Variants in STPG2 observed in about 807,000 individuals in gnomAD.
STPG2 encodes sperm tail PG-rich repeat containing 2, also known as sperm-tail PG-rich repeat-containing protein 2.
STPG2 carries 56 observed loss-of-function variants against 54.2 expected under a neutral mutation model. The ratio of observed to expected loss-of-function variants is 1.03; its 90% CI spans 0.83 to 1.29. STPG2 has a LOEUF of 1.29. Among genes scored for constraint, STPG2 ranks in the 50% most tolerant of loss-of-function variants. The pLI is 0.00. For synonymous variants in STPG2, 200 were observed against 181.8 expected (o/e 1.10, Z -0.81); for missense variants, 596 against 544.9 (o/e 1.09, Z -0.93).
intron 9 of STPG2, among the ~76,000 whole-genome samples, chr4:97,756,646 G>A (rs1287346781): frequency 6.6e-6 from 1 of 151,976 alleles, no homozygotes; most frequent in Non-Finnish European, 1.5e-5. Context: ...TTCAACAAAT[G>A]ATTTTGCCTG....
At chr4:97,444,660 TAAG>T (rs1729173429) in intron 4 of STPG2, among the ~76,000 whole-genome samples, 1 of 152,096 alleles carries the variant, frequency 6.6e-6, no homozygotes, top group Non-Finnish European at 1.5e-5. Context: ...ACTAATAATC[TAAG>T]GAGAAGCACA....
intron 8 of STPG2, among the ~76,000 whole-genome samples, chr4:97,917,723 G>A (rs10032473): frequency 0.061 from 9,252 of 152,044 alleles, 368 homozygotes; most frequent in Admixed American, 0.12. Context: ...TAAACTCTGG[G>A]GACAAAAGCA....
intron 5 of STPG2, among the ~76,000 whole-genome samples, chr4:98,074,274 A>G (rs970615182): frequency 2.0e-5 from 3 of 152,148 alleles, no homozygotes; most frequent in Admixed American, 6.5e-5. Context: ...GTCTCCCATC[A>G]TTTCAGTTGA....
intron 8 of STPG2, among the ~76,000 whole-genome samples, chr4:97,936,305 C>A (rs1043054986): frequency 1.2e-4 from 18 of 152,126 alleles, no homozygotes; most frequent in Admixed American, 1.2e-3. Context: ...GAATACAGCA[C>A]ACTGATGATT....
At chr4:98,017,942 A>G (rs966478465) in intron 5 of STPG2, among the ~76,000 whole-genome samples, 1 of 152,090 alleles carries the variant, frequency 6.6e-6, no homozygotes, top group Non-Finnish European at 1.5e-5. Context: ...TTCTGCCATG[A>G]TTGTAAGTTT....
intron 1 of STPG2, among the ~76,000 whole-genome samples, chr4:98,136,122 C>T (rs1471877809): frequency 6.6e-6 from 1 of 151,324 alleles, no homozygotes; most frequent in African/African-American, 2.4e-5. Flanking sequence ...AAAAGATGAA[C>T]ATGATGAGAA....
intron 10 of STPG2, among the ~76,000 whole-genome samples, chr4:97,636,103 T>A (rs1721512805): frequency 6.6e-6 from 1 of 151,560 alleles, no homozygotes; most frequent in African/African-American, 2.4e-5. Context: ...AAAGCTCTCC[T>A]CAGCAAATGT....
At chr4:97,805,957 A>G (rs907890470) in intron 9 of STPG2, among the ~76,000 whole-genome samples, 1 of 152,196 alleles carries the variant, frequency 6.6e-6, no homozygotes, top group African/African-American at 2.4e-5. Flanking sequence ...TTTCTCAAAG[A>G]ACTAAAATTA....
chr4:98,118,213 C>T (rs1739576279), intron 3 of STPG2, among the ~76,000 whole-genome samples: 1 of 152,042 alleles, frequency 6.6e-6, no homozygotes. Context: ...CAACCTTTGC[C>T]AAGGCCCTCT....
At chr4:97,603,698 T>C (rs752168921) in intron 10 of STPG2, among the ~76,000 whole-genome samples, 1 of 151,626 alleles carries the variant, frequency 6.6e-6, no homozygotes, top group Non-Finnish European at 1.5e-5. Context: ...TGGATGAACC[T>C]TGAGGGTCTC....
intron 9 of STPG2, among the ~76,000 whole-genome samples, chr4:97,748,957 C>T (rs766780457): frequency 7.9e-5 from 12 of 151,478 alleles, no homozygotes; most frequent in Non-Finnish European, 1.8e-4. Context: ...TTCCCCACTA[C>T]CATGAAAATA....
intron 10 of STPG2, among the ~76,000 whole-genome samples, chr4:97,634,032 G>A (rs1721404542): frequency 6.6e-6 from 1 of 152,178 alleles, no homozygotes; most frequent in African/African-American, 2.4e-5. Flanking sequence ...CTCCACCTCT[G>A]GGGGCAGGGC....
chr4:97,891,692 T>C (rs943400982), intron 8 of STPG2, among the ~76,000 whole-genome samples: 1 of 152,110 alleles, frequency 6.6e-6, no homozygotes, highest in African/African-American at 2.4e-5. Context: ...AAAGAAAATA[T>C]AGAAAAATAA....
chr4:97,932,101 T>G (rs1266086900), intron 8 of STPG2, among the ~76,000 whole-genome samples: 1 of 152,182 alleles, frequency 6.6e-6, no homozygotes, highest in Non-Finnish European at 1.5e-5. Flanking sequence ...CCCTTTGTCA[T>G]TTCCAATTGT....
At chr4:98,030,769 AAAAC>A (rs1736569349) in intron 5 of STPG2, among the ~76,000 whole-genome samples, 3 of 152,242 alleles carry the variant, frequency 2.0e-5, no homozygotes, top group African/African-American at 7.2e-5. Flanking sequence ...AATCTTGACA[AAAAC>A]AAGCAATGGG....
intron 10 of STPG2, among the ~76,000 whole-genome samples, chr4:97,571,650 T>C (rs1166089249): frequency 6.6e-6 from 1 of 152,144 alleles, no homozygotes; most frequent in Non-Finnish European, 1.5e-5. Flanking sequence ...GTCCTTGTCT[T>C]GAGTTGTCCC....
chr4:97,708,114 C>T (rs1184679282), intron 10 of STPG2, among the ~76,000 whole-genome samples: 1 of 151,846 alleles, frequency 6.6e-6, no homozygotes, highest in African/African-American at 2.4e-5. Flanking sequence ...CTTTGATACA[C>T]GGCAAAAACA....
rs1224099173 is a variant in STPG2 at position 97,566,626 on chromosome 4, C to A, written c.1321-7509G>T. 3.9e-5 allele frequency among the ~76,000 whole-genome samples: 6 copies of A among 152,100 alleles called. 1 individual carries two copies. In the South Asian group the frequency reaches 1.0e-3, roughly 26 times the overall value. On this transcript the variant is annotated intron_variant, in intron 10 of 10. Transcript: ENST00000295268. ...TATTCACAACAGCAAAGACTTGGAA[C>A]CAACCCAAATGTCCAACAATGATAG...
intron 5 of STPG2, among the ~76,000 whole-genome samples, chr4:97,991,566 T>C (rs1177130275): frequency 1.3e-5 from 2 of 151,874 alleles, no homozygotes; most frequent in Non-Finnish European, 2.9e-5. Flanking sequence ...TATAAACATG[T>C]GTGTGCAAGT....
Sources: allele counts gnomAD v4.1 joint callset (sites outside exome capture counted in the v4.1 genomes callset), GRCh38; gene constraint gnomAD v4.1.1; transcripts MANE v1.5; gene names NCBI Gene and HGNC (gene_info 2026-07-23, HGNC 2026-07-21).